PLA2G4A: variants seen among roughly 807,000 people sequenced by gnomAD.
PLA2G4A encodes the protein cytosolic phospholipase A2.
In PLA2G4A, 40 loss-of-function variants were observed where a neutral mutation model predicts 81.9. The observed-to-expected ratio is 0.49, with a 90% CI of 0.38 to 0.64. The LOEUF is 0.64. Ranked by LOEUF, PLA2G4A falls within the 30% of genes least tolerant of loss-of-function variation. The probability of loss-of-function intolerance (pLI) is 0.00; values close to 1 mark genes in which losing one functional copy is unlikely to be tolerated. For missense variants in PLA2G4A, 715 were observed against 905.1 expected, an observed-to-expected ratio of 0.79 and a Z score of 2.69; for synonymous variants, 302 against 296.9, an observed-to-expected ratio of 1.02 and a Z score of -0.18.
intron 10 of PLA2G4A, among the ~76,000 whole-genome samples, chr1:186,940,868 G>T (rs1366096848): frequency 6.6e-6 from 1 of 152,148 alleles, no homozygotes; most frequent in East Asian, 1.9e-4. Flanking sequence ...TTATAATTCA[G>T]CACCTAAAAA....
At chr1:186,899,383 G>A (rs995552297) in intron 5 of PLA2G4A, among the ~76,000 whole-genome samples, 4 of 152,060 alleles carry the variant, frequency 2.6e-5, no homozygotes, top group African/African-American at 9.7e-5. Context: ...GGATCATTGC[G>A]GGTGACAGTG....
At chr1:186,971,920 T>C (rs1657369616) in intron 15 of PLA2G4A, among the ~76,000 whole-genome samples, 1 of 152,098 alleles carries the variant, frequency 6.6e-6, no homozygotes. Context: ...TTTTTGAGAC[T>C]GAAATATGGA....
intron 15 of PLA2G4A, among the ~76,000 whole-genome samples, chr1:186,973,002 C>T (rs919437831): frequency 6.6e-6 from 1 of 152,196 alleles, no homozygotes; most frequent in East Asian, 1.9e-4. Flanking sequence ...CCAAATCAGT[C>T]CAAGCATTAG....
chr1:186,909,125 C>T (rs1324671975), intron 6 of PLA2G4A, among the ~76,000 whole-genome samples: 1 of 150,444 alleles, frequency 6.6e-6, no homozygotes, highest in African/African-American at 2.4e-5. Flanking sequence ...AGGCGCCAGC[C>T]ACCACGCCCG....
intron 9 of PLA2G4A, among the ~76,000 whole-genome samples, chr1:186,939,512 A>AAT (rs1412288081): frequency 4.3e-5 from 6 of 137,998 alleles, no homozygotes; most frequent in African/African-American, 1.3e-4. Context: ...AAAAAAAAAA[A>AAT]ATTCACATTT....
intron 15 of PLA2G4A, among the ~76,000 whole-genome samples, chr1:186,966,821 T>C (rs541624177): frequency 2.0e-5 from 3 of 152,344 alleles, no homozygotes; most frequent in African/African-American, 7.2e-5. Context: ...TAGTATGTTG[T>C]ATGTTTTTGC....
intron 5 of PLA2G4A, among the ~76,000 whole-genome samples, chr1:186,902,004 A>G (rs921596722): frequency 9.2e-5 from 14 of 152,202 alleles, no homozygotes; most frequent in Admixed American, 2.0e-4. Flanking sequence ...TGACTTCATT[A>G]TTGTGTGAAC....
At chr1:186,941,049 C>T (rs560108133) in intron 10 of PLA2G4A, among the ~76,000 whole-genome samples, 8 of 146,826 alleles carry the variant, frequency 5.4e-5, no homozygotes, top group African/African-American at 2.0e-4. Flanking sequence ...GACAGAGGAG[C>T]TTCCAGTGAG....
At chr1:186,985,063 T>G (rs10489410) in intron 17 of PLA2G4A, among the ~76,000 whole-genome samples, 8,902 of 152,274 alleles carry the variant, frequency 0.058, 362 homozygotes, top group East Asian at 0.16. Flanking sequence ...GCCTTATTTC[T>G]TAGTGTTCCC....
intron 7 of PLA2G4A, among the ~76,000 whole-genome samples, chr1:186,927,220 C>A (rs1462855048): frequency 1.3e-5 from 2 of 152,128 alleles, no homozygotes; most frequent in Non-Finnish European, 2.9e-5. Flanking sequence ...TCTCTTTCAA[C>A]TTTGTTGCTC....
At chr1:186,890,230 G>A (rs1366650249) in intron 3 of PLA2G4A, among the ~76,000 whole-genome samples, 39 of 152,212 alleles carry the variant, frequency 2.6e-4, no homozygotes, top group Admixed American at 2.2e-3. Flanking sequence ...TGTAATTGTC[G>A]CTTTCTGTTG....
intron 5 of PLA2G4A, among the ~76,000 whole-genome samples, chr1:186,901,131 G>T (rs6695515): frequency 0.3 from 45,426 of 152,070 alleles, 9,045 homozygotes; most frequent in African/African-American, 0.56. Flanking sequence ...AGTTTGGAGG[G>T]AAAACAAGAG....
rs1205610477 is a variant in PLA2G4A at position 186,939,959 on chromosome 1, TTTTC to T, written c.919-14_919-11del. The T allele has an allele frequency of 7.2e-6, 8 of 1,111,244 alleles. No homozygotes were observed. The highest frequency in any genetic ancestry group is 9.7e-6 in the Non-Finnish European group (7 of 721,008). The allele number at this position is 1,111,244 out of a possible 1,614,324, so 68.8% of individuals were successfully genotyped here. Reference sequence around the variant, plus strand: ...TCTGTTTATAAATTTAAAGTCATCTTTTTCTTTCTTCTGTGGACAGAGAATGAAT... The same window carrying T: ...TCTGTTTATAAATTTAAAGTCATCTTTTTCTTCTGTGGACAGAGAATGAAT... On this transcript the variant is annotated splice_polypyrimidine_tract_variant and intron_variant, in intron 9 of 17. Coordinates refer to ENST00000367466, the MANE Select transcript of PLA2G4A (RefSeq NM_024420.3).
intron 15 of PLA2G4A, among the ~76,000 whole-genome samples, chr1:186,972,908 T>A (rs1312533915): frequency 6.6e-6 from 1 of 152,178 alleles, no homozygotes; most frequent in African/African-American, 2.4e-5. Flanking sequence ...ATCACCTGAT[T>A]TATTTGTTGA....
At chr1:186,938,539 A>G (rs1656033341) in intron 8 of PLA2G4A, among the ~76,000 whole-genome samples, 1 of 152,188 alleles carries the variant, frequency 6.6e-6, no homozygotes. Flanking sequence ...AGGATTTTTC[A>G]AGGGAATTAG....
chr1:186,933,462 G>A (rs1489029597), intron 8 of PLA2G4A, among the ~76,000 whole-genome samples: 3 of 152,096 alleles, frequency 2.0e-5, no homozygotes, highest in Non-Finnish European at 4.4e-5. Context: ...GCATCCATAT[G>A]TATAATACTT....
At chr1:186,952,044 T>A (rs1656579266) in intron 13 of PLA2G4A, among the ~76,000 whole-genome samples, 1 of 152,160 alleles carries the variant, frequency 6.6e-6, no homozygotes, top group Non-Finnish European at 1.5e-5. Flanking sequence ...AAATTTAAAA[T>A]TTATATATAT....
chr1:186,941,864 T>C (rs918951512), intron 10 of PLA2G4A, among the ~76,000 whole-genome samples: 1 of 152,206 alleles, frequency 6.6e-6, no homozygotes, highest in Non-Finnish European at 1.5e-5. Context: ...CCAAGTTATA[T>C]AATCTACGTT....
chr1:186,932,165 C>T (rs1310520401), intron 7 of PLA2G4A, among the ~76,000 whole-genome samples: 1 of 151,952 alleles, frequency 6.6e-6, no homozygotes, highest in Non-Finnish European at 1.5e-5. Flanking sequence ...CAAAAATTTG[C>T]AAAATGTTGA....
Sources: gnomAD v4.1 joint callset for allele counts (sites outside exome capture counted in the v4.1 genomes callset) on GRCh38, gnomAD v4.1.1 for gene constraint, MANE v1.5 for transcripts, NCBI Gene and HGNC (gene_info 2026-07-23, HGNC 2026-07-21) for gene names.